Variants in GATAD2B observed in about 807,000 individuals in gnomAD.
The protein encoded by GATAD2B is GATA zinc finger domain containing 2B.
A neutral mutation model predicts 64.3 loss-of-function variants in GATAD2B; 8 were observed. The ratio of observed to expected loss-of-function variants is 0.12; its 90% CI spans 0.07 to 0.22. The LOEUF (loss-of-function observed/expected upper bound fraction) is 0.22. Among genes scored for constraint, GATAD2B ranks in the 10% least tolerant of loss-of-function variants. GATAD2B has a pLI of 1.00. For synonymous variants in GATAD2B, 281 were observed against 271.3 expected (o/e 1.04, Z -0.35); for missense variants, 453 against 752.0 (o/e 0.60, Z 4.65).
At chr1:153,916,507 T>G (rs1212677724) in intron 1 of GATAD2B, among the ~76,000 whole-genome samples, 1 of 152,184 alleles carries the variant, frequency 6.6e-6, no homozygotes, top group African/African-American at 2.4e-5. Flanking sequence ...TTGGAAATGT[T>G]GAGTTTGAGT....
chr1:153,816,274 T>C lies in GATAD2B; in HGVS notation c.1215A>G (p.Gln405=), dbSNP rs926306653. 6.2e-7 allele frequency: 1 copy of C among 1,602,842 alleles called. No homozygotes were observed. Among genetic ancestry groups the C allele is most frequent in the African/African-American group, 1.3e-5 (1 of 74,854 alleles). Residue 405 remains glutamine, a splice_region_variant and synonymous_variant, in exon 7 of 11, where the codon CAA becomes CAG. Transcript: ENST00000368655. This position sits in a 1 kb window ranked among gnomAD's most constrained non-coding sequence, Gnocchi z 4.9. ...EEVVQSVIDS[Q]GKSCASLLRV... is the part of the protein sequence containing the mutation. ...ATTGATTAGAAGAAACAGCCTTACC[T>C]TGGCTGTCAATGACACTCTGTACGA...
At chr1:153,855,328 A>C (rs1371611297) in intron 1 of GATAD2B, among the ~76,000 whole-genome samples, 1 of 151,928 alleles carries the variant, frequency 6.6e-6, no homozygotes, top group African/African-American at 2.4e-5. Context: ...TCCTGGGCTC[A>C]AGTGATTCTC....
chr1:153,870,912 G>GA (rs1553195173), intron 1 of GATAD2B, among the ~76,000 whole-genome samples: 1 of 151,824 alleles, frequency 6.6e-6, no homozygotes, highest in Non-Finnish European at 1.5e-5. Flanking sequence ...CTAGAGAGAG[G>GA]TTTTTTTTGT....
At chr1:153,842,461 T>C (rs1675530534) in intron 1 of GATAD2B, among the ~76,000 whole-genome samples, 1 of 152,194 alleles carries the variant, frequency 6.6e-6, no homozygotes, top group Non-Finnish European at 1.5e-5. Context: ...TCTCAACCCT[T>C]TCTCGCCCTC....
At chr1:153,894,918 G>T (rs377470660) in intron 1 of GATAD2B, among the ~76,000 whole-genome samples, 1 of 152,008 alleles carries the variant, frequency 6.6e-6, no homozygotes, top group South Asian at 2.1e-4. Flanking sequence ...CAGCACTTTG[G>T]GGGGCCAAGG....
At chr1:153,921,419 G>C (rs763284691) in intron 1 of GATAD2B, among the ~76,000 whole-genome samples, 44 of 152,168 alleles carry the variant, frequency 2.9e-4, no homozygotes, top group Non-Finnish European at 5.0e-4. Context: ...AAAAGCATCA[G>C]CTCTTCTCCA....
In GATAD2B at chr1:153,818,162, C is replaced by T. The variant is rs750006597; in HGVS notation, c.607G>A (p.Val203Ile). 14 of 1,601,322 alleles carry T rather than the reference C, an allele frequency of 8.7e-6. No homozygotes were observed. In the South Asian group the frequency reaches 1.6e-4, roughly 18 times the overall value. Residue 203 changes from valine to isoleucine, a missense_variant, in exon 5 of 11, where the codon GTA (valine) becomes ATA (isoleucine). This residue lies in a region of GATAD2B where 293 missense variants were observed against 417.2 expected (regional missense o/e 0.70). Transcript: ENST00000368655. Reference sequence around the variant, plus strand: ...TGAACAATAGATGCTGCATTCTGTACAACTGGAGTCTGGGAGAGGGAAGAG... The same window carrying T: ...TGAACAATAGATGCTGCATTCTGTATAACTGGAGTCTGGGAGAGGGAAGAG... ...KENVVQKTPV[V>I]QNAASIVQPS...
At chr1:153,828,658 CTT>C (rs879760854) in intron 1 of GATAD2B, among the ~76,000 whole-genome samples, 3 of 141,844 alleles carry the variant, frequency 2.1e-5, no homozygotes, top group Non-Finnish European at 3.1e-5. Context: ...GATTGAAAAT[CTT>C]TTTTTTTTTT....
At chr1:153,810,696 T>C (rs2101873984) in intron 10 of GATAD2B, among the ~76,000 whole-genome samples, 1 of 152,108 alleles carries the variant, frequency 6.6e-6, no homozygotes, top group Middle Eastern at 3.4e-3. Flanking sequence ...CCTCAAATGA[T>C]CCAACGGCCT....
chr1:153,816,616 C>A lies in GATAD2B; in HGVS notation c.901-28G>T. 2 of 1,514,378 alleles carry A rather than the reference C, an allele frequency of 1.3e-6. No individual in the cohort carries two copies. The highest frequency in any genetic ancestry group is 1.1e-5 in the South Asian group (1 of 88,330). The allele number at this position is 1,514,378 out of a possible 1,614,324, so 93.8% of individuals were successfully genotyped here. A position where few individuals can be genotyped will look rare whatever the true frequency, so the allele number is the denominator to read the frequency against. ...GAAATAGATTGAGAATGCGGTCAAT[C>A]ATGGTATGCAGGAGAAAGGGCCAAT... On this transcript the variant is annotated intron_variant, in intron 6 of 10. Transcript: ENST00000368655. This position sits in a 1 kb window ranked among gnomAD's most constrained non-coding sequence, Gnocchi z 4.9.
intron 1 of GATAD2B, among the ~76,000 whole-genome samples, chr1:153,917,618 C>A (rs966822452): frequency 3.3e-5 from 5 of 151,946 alleles, no homozygotes; most frequent in Non-Finnish European, 2.9e-5. Context: ...TGGTCTCGAA[C>A]TCCTGACCTC....
intron 6 of GATAD2B, 63 bp downstream of exon 6, chr1:153,817,309 T>G: frequency 7.0e-7 from 1 of 1,438,558 alleles, no homozygotes; most frequent in Non-Finnish European, 9.2e-7. Flanking sequence ...TATGGCCCTT[T>G]CGACAAGCAA....
intron 1 of GATAD2B, among the ~76,000 whole-genome samples, chr1:153,870,429 C>G (rs543362053): frequency 6.6e-6 from 1 of 152,142 alleles, no homozygotes; most frequent in East Asian, 1.9e-4. Flanking sequence ...AAAAATTAGC[C>G]GGACGTGGTG....
chr1:153,811,142 T>G (rs780760832), intron 10 of GATAD2B, among the ~76,000 whole-genome samples: 1 of 152,048 alleles, frequency 6.6e-6, no homozygotes, highest in Non-Finnish European at 1.5e-5. Context: ...CTCAAGTGAT[T>G]CGCCTGCCTC....
At chr1:153,902,495 C>T (rs1677810007) in intron 1 of GATAD2B, among the ~76,000 whole-genome samples, 1 of 152,058 alleles carries the variant, frequency 6.6e-6, no homozygotes, top group Non-Finnish European at 1.5e-5. Flanking sequence ...ACTCTTGTCA[C>T]CCAGGCTCGA....
In GATAD2B at chr1:153,874,288, AG is replaced by A. The variant is rs374755776; in HGVS notation, c.-1-45941del. Among the ~76,000 whole-genome samples the A allele has an allele frequency of 2.4e-4, 37 of 152,194 alleles. No individual in the cohort carries two copies. The East Asian group carries it at 4.0e-3, about 17-fold the overall frequency. Reference sequence around the variant, plus strand: ...AAAGAAAAAAAAAAGAGAGAGGGAAAGAAATTTATTTATTTTCTTTATAAAT... The same window carrying A: ...AAAGAAAAAAAAAAGAGAGAGGGAAAAAATTTATTTATTTTCTTTATAAAT... On this transcript the variant is annotated intron_variant, in intron 1 of 10. Coordinates refer to ENST00000368655, the MANE Select transcript of GATAD2B (RefSeq NM_020699.4).
intron 1 of GATAD2B, among the ~76,000 whole-genome samples, chr1:153,840,702 T>C (rs1223331471): frequency 6.6e-6 from 1 of 152,230 alleles, no homozygotes; most frequent in East Asian, 1.9e-4. Context: ...CTAAAAACTT[T>C]GAAGTAAATA....
At chr1:153,843,043 C>T (rs1436773616) in intron 1 of GATAD2B, among the ~76,000 whole-genome samples, 1 of 151,608 alleles carries the variant, frequency 6.6e-6, no homozygotes, top group African/African-American at 2.4e-5. Context: ...CCTCCGCTTC[C>T]TGGGCTCAAG....
chr1:153,852,539 C>A, intron 1 of GATAD2B: 4 of 767,996 alleles, frequency 5.2e-6, no homozygotes, highest in South Asian at 1.3e-5. Context: ...ATCCAATATT[C>A]CTTTTCCACT....
Sources: allele counts gnomAD v4.1 joint callset (sites outside exome capture counted in the v4.1 genomes callset), GRCh38; gene constraint gnomAD v4.1.1; regional missense constraint gnomAD v4.1.1; non-coding constraint Gnocchi (gnomAD v3.1); transcripts MANE v1.5; gene names NCBI Gene and HGNC (gene_info 2026-07-23, HGNC 2026-07-21).